RTF2: variants seen among roughly 807,000 people sequenced by gnomAD.
The protein encoded by RTF2 is UPF0549 protein C20orf43.
RTF2 carries 18 observed loss-of-function variants against 38.0 expected under a neutral mutation model. The ratio of observed to expected loss-of-function variants is 0.47; its 90% confidence interval spans 0.33 to 0.70. The LOEUF is 0.70. Among genes scored for constraint, RTF2 ranks in the 30% least tolerant of loss-of-function variants. RTF2 has a pLI of 0.02. For missense variants in RTF2, 311 were observed against 379.6 expected (o/e 0.82, Z 1.50); for synonymous variants, 126 against 137.1 (o/e 0.92, Z 0.57).
At chr20:56,488,797 T>C (rs551984647) in intron 5 of RTF2, among the ~76,000 whole-genome samples, 1 of 152,370 alleles carries the variant, frequency 6.6e-6, no homozygotes, top group South Asian at 2.1e-4. Flanking sequence ...AGAGTGAGCC[T>C]AGGCTTCTTG....
intron 5 of RTF2, among the ~76,000 whole-genome samples, chr20:56,510,193 T>C (rs1385389478): frequency 2.6e-5 from 4 of 152,222 alleles, no homozygotes; most frequent in Admixed American, 2.0e-4. Flanking sequence ...ACTCTAAATA[T>C]ACTAAAAGCC....
chr20:56,499,335 C>T (rs1983770552), intron 5 of RTF2, among the ~76,000 whole-genome samples: 1 of 151,576 alleles, frequency 6.6e-6, no homozygotes, highest in South Asian at 2.1e-4. Flanking sequence ...TGCATGCCAC[C>T]ATGCCCGGCT....
rs769672167 is a variant in RTF2 at position 56,468,634 on chromosome 20, T to G, written c.-64T>G. On this transcript the variant is annotated 5_prime_UTR_variant, in exon 1 of 9. Coordinates refer to ENST00000357348, the MANE Select transcript of RTF2 (RefSeq NM_016407.5). ...GGTGCGCCGGAAGTGGCTGCGGATT[T>G]CGCCGGAAATCCCGGAAGTGACAGC... 9.4e-5 allele frequency: 138 copies of G among 1,469,186 alleles called. No homozygotes were observed. The highest frequency in any genetic ancestry group is 8.7e-4 in the Middle Eastern group (5 of 5,730). 91.0% of individuals were successfully genotyped at this position (1,469,186 alleles called of 1,614,324 possible). A position where few individuals can be genotyped will look rare whatever the true frequency, so the allele number is the denominator to read the frequency against.
chr20:56,495,337 C>A (rs1298851466), intron 5 of RTF2: 4 of 1,421,618 alleles, frequency 2.8e-6, no homozygotes, highest in Non-Finnish European at 3.9e-6. Flanking sequence ...GTGGAATCTG[C>A]TTCCCAGTTC....
At chr20:56,498,728 G>A (rs1186694050) in intron 5 of RTF2, among the ~76,000 whole-genome samples, 2 of 152,318 alleles carry the variant, frequency 1.3e-5, no homozygotes, top group South Asian at 2.1e-4. Context: ...TAGGTAACAT[G>A]TCAAGCTTTA....
At chr20:56,490,730 T>C (rs1158244604) in intron 5 of RTF2, among the ~76,000 whole-genome samples, 2 of 152,196 alleles carry the variant, frequency 1.3e-5, no homozygotes, top group Admixed American at 6.5e-5. Context: ...GGCAGGAGAA[T>C]GGCTTGAACC....
intron 5 of RTF2, 151 bp from the exon 6 acceptor site, chr20:56,513,164 C>A (rs1984797772): frequency 2.7e-6 from 3 of 1,098,666 alleles, no homozygotes; most frequent in African/African-American, 1.6e-5. Flanking sequence ...TGTGCGGGAA[C>A]TTTCCAAACC....
chr20:56,490,129 T>C (rs1983028973), intron 5 of RTF2, among the ~76,000 whole-genome samples: 1 of 152,260 alleles, frequency 6.6e-6, no homozygotes, highest in Non-Finnish European at 1.5e-5. Context: ...CTTTTCCTTC[T>C]GTCTAGCAAT....
chr20:56,478,080 T>C (rs1462448605), intron 4 of RTF2, among the ~76,000 whole-genome samples: 9 of 152,232 alleles, frequency 5.9e-5, no homozygotes, highest in South Asian at 2.1e-4. Context: ...TCCCCCACTT[T>C]TGAGAAGTAC....
intron 4 of RTF2, among the ~76,000 whole-genome samples, chr20:56,481,568 A>G (rs980261181): frequency 2.6e-5 from 4 of 152,154 alleles, no homozygotes; most frequent in African/African-American, 4.8e-5. Flanking sequence ...TTACCTAACC[A>G]TGTCCCACTT....
At chr20:56,510,672 G>A (rs1405101919) in intron 5 of RTF2, among the ~76,000 whole-genome samples, 3 of 152,258 alleles carry the variant, frequency 2.0e-5, no homozygotes. Context: ...AGGCATGGTG[G>A]CTCACGCCTG....
Position 56,474,689 on chromosome 20 carries a change from A to G in RTF2, c.176A>G (p.Lys59Arg). 4.4e-6 allele frequency: 7 copies of G among 1,607,482 alleles called. No homozygotes were observed. The South Asian group carries it at 7.8e-5, about 18-fold the overall frequency. The change falls in exon 3 of 9, where the codon AAA becomes AGA. Residue 59 changes from lysine (K) to arginine (R), a missense_variant. Coordinates refer to ENST00000357348, the MANE Select transcript of RTF2 (RefSeq NM_016407.5). The part of the protein sequence containing the change: ...VACELGRLYN[K>R]DAVIEFLLDK... Reference sequence around the variant, plus strand: ...ACTTACTATTGCAGACTTTATAACAAAGATGCCGTCATTGAATTTCTCTTG... The same window carrying G: ...ACTTACTATTGCAGACTTTATAACAGAGATGCCGTCATTGAATTTCTCTTG...
intron 5 of RTF2, chr20:56,491,674 C>T (rs1983147027): frequency 6.4e-7 from 1 of 1,552,232 alleles, no homozygotes; most frequent in East Asian, 2.4e-5. Context: ...AGCAGGTAAC[C>T]ACAAGCGGGT....
At chr20:56,510,445 C>G (rs981308943) in intron 5 of RTF2, among the ~76,000 whole-genome samples, 1 of 152,182 alleles carries the variant, frequency 6.6e-6, no homozygotes, top group African/African-American at 2.4e-5. Flanking sequence ...CCAGAATGCT[C>G]TTCTAAGAGT....
intron 5 of RTF2, among the ~76,000 whole-genome samples, chr20:56,494,211 G>A (rs541128751): frequency 7.2e-5 from 11 of 152,272 alleles, no homozygotes; most frequent in South Asian, 4.1e-4. Context: ...TGTGAGTACC[G>A]TTTTCATACT....
intron 5 of RTF2, chr20:56,491,819 T>G (rs1288968119): frequency 6.8e-7 from 1 of 1,471,700 alleles, no homozygotes; most frequent in Non-Finnish European, 9.3e-7. Flanking sequence ...GCTGCCTTTG[T>G]TTCCTCACCC....
rs375845649 is a variant in RTF2, at chr20:56,518,158, A to G, written c.814A>G (p.Ser272Gly). 57 of 1,614,084 alleles carry G rather than the reference A, an allele frequency of 3.5e-5. No homozygotes were observed. The African/African-American group carries it at 7.3e-4, about 21-fold the overall frequency. Residue 272 changes from serine (S) to glycine (G), a missense_variant, in exon 9 of 9, where the codon AGT (serine) becomes GGT (glycine). Transcript: ENST00000357348. ...AGCCACAAAGAGGTCCATCGCTGAC[A>G]GTGAAGAATCGGAGGCCTACAAGTC... ...CGATKRSIAD[S>G]EESEAYKSLF...
intron 2 of RTF2, 126 bp downstream of exon 2, chr20:56,473,521 G>C (rs999396062): frequency 1.6e-6 from 1 of 641,160 alleles, no homozygotes; most frequent in African/African-American, 1.8e-5. Flanking sequence ...ATAGGCTGTC[G>C]TTCCCTGTCT....
chr20:56,513,522 G>C, intron 6 of RTF2, 94 bp downstream of exon 6: 2 of 1,486,700 alleles, frequency 1.3e-6, no homozygotes, highest in African/African-American at 2.8e-5. Flanking sequence ...TTAGGGGTTT[G>C]CATGATCAAG....
Sources: allele counts gnomAD v4.1 joint callset (sites outside exome capture counted in the v4.1 genomes callset), GRCh38; gene constraint gnomAD v4.1.1; transcripts MANE v1.5; gene names NCBI Gene and HGNC (gene_info 2026-07-23, HGNC 2026-07-21).